The following XKR6 variants were observed in gnomAD, a reference collection of about 807,000 sequenced individuals.
XKR6 encodes XK related 6.
In XKR6, 22 loss-of-function variants were observed where a neutral mutation model predicts 56.7. That is an observed-to-expected ratio of 0.39 (90% CI 0.28 to 0.55). XKR6 has a LOEUF of 0.55. Ranked by LOEUF, XKR6 falls within the 20% of genes least tolerant of loss-of-function variation. The probability of loss-of-function intolerance (pLI) is 0.66; values close to 1 mark genes in which losing one functional copy is unlikely to be tolerated. For synonymous variants in XKR6, 524 were observed against 387.8 expected (o/e 1.35, Z -4.13); for missense variants, 852 against 889.0 (o/e 0.96, Z 0.53).
At chr8:10,998,284 T>TACAC (rs145026689) in intron 1 of XKR6, among the ~76,000 whole-genome samples, 5 of 147,606 alleles carry the variant, frequency 3.4e-5, no homozygotes, top group African/African-American at 1.2e-4. Context: ...CACACACACA[T>TACAC]ACACACACAC....
In XKR6 at chr8:11,201,145, G is replaced by A. The variant is rs1335699757; in HGVS notation, c.195C>T (p.Cys65=). 5.9e-6 allele frequency: 9 copies of A among 1,520,116 alleles called. No individual in the cohort carries two copies. The highest frequency in any genetic ancestry group is 2.0e-5 in the Admixed American group (1 of 49,838). The allele number at this position is 1,520,116 out of a possible 1,614,324, so 94.2% of individuals were successfully genotyped here. ...HICHCCNTSS[C]YWGCRSACLR... The stretch of plus-strand genomic sequence containing the variant: ...GGCAGGCGGAGCGGCAGCCCCAGTA[G>A]CACGAGGAGGTGTTGCAGCAGTGGC... The change falls in exon 1 of 3, where the codon TGC becomes TGT. Residue 65 remains cysteine, a synonymous_variant. Transcript: ENST00000416569.
intron 1 of XKR6, among the ~76,000 whole-genome samples, chr8:11,173,918 G>C (rs1802516512): frequency 6.6e-6 from 1 of 152,172 alleles, no homozygotes; most frequent in African/African-American, 2.4e-5. Context: ...AAAAAAGAGG[G>C]AAGAACATGA....
chr8:11,185,335 T>C (rs1803216100), intron 1 of XKR6, among the ~76,000 whole-genome samples: 1 of 152,188 alleles, frequency 6.6e-6, no homozygotes. Flanking sequence ...AAAAGTTTGG[T>C]GGTGTTTTTG....
chr8:10,956,855 C>A (rs1004901923), intron 1 of XKR6, among the ~76,000 whole-genome samples: 2 of 152,218 alleles, frequency 1.3e-5, no homozygotes, highest in East Asian at 3.8e-4. Flanking sequence ...CTCTCCTCTT[C>A]TGGGCTTCAA....
At position 11,071,475 on chromosome 8, in the gene XKR6, C is replaced by T. The variant is rs577303682; in HGVS notation, c.764+129101G>A. ...TTTACACCTTTAAGTCTATGAGCCC[C>T]GAGTCCATGAGCCCCGAGTCCATGA... On this transcript the variant is annotated intron_variant, in intron 1 of 2. Transcript: ENST00000416569. 6.8e-4 allele frequency among the ~76,000 whole-genome samples: 51 copies of T among 74,626 alleles called. 2 individuals are homozygous for T. The highest frequency in any genetic ancestry group is 2.8e-3 in the Admixed American group (28 of 9,926). The allele number at this position is 74,626 out of a possible 152,430, so 49.0% of individuals were successfully genotyped here.
intron 1 of XKR6, chr8:11,104,782 C>CT (rs1798614792): frequency 6.6e-6 from 1 of 152,168 alleles, no homozygotes; most frequent in South Asian, 2.1e-4. Flanking sequence ...GCTTCTTGGC[C>CT]TTTTGGCTAA....
intron 1 of XKR6, among the ~76,000 whole-genome samples, chr8:11,199,106 A>G (rs1052870934): frequency 1.3e-5 from 2 of 152,204 alleles, no homozygotes; most frequent in East Asian, 1.9e-4. Context: ...CTCACTTCTT[A>G]TAAACTTATC....
intron 1 of XKR6, among the ~76,000 whole-genome samples, chr8:11,048,864 G>A (rs919246005): frequency 3.9e-5 from 6 of 152,140 alleles, no homozygotes; most frequent in East Asian, 3.9e-4. Flanking sequence ...CCTTACCCCT[G>A]CCCCATGGCA....
At chr8:11,179,838 CT>C (rs869033027) in intron 1 of XKR6, among the ~76,000 whole-genome samples, 3 of 152,128 alleles carry the variant, frequency 2.0e-5, no homozygotes, top group African/African-American at 7.2e-5. Context: ...ATAAACAGGA[CT>C]TTTTAAAAAG....
chr8:10,996,801 C>G (rs1179442278), intron 1 of XKR6, among the ~76,000 whole-genome samples: 1 of 151,984 alleles, frequency 6.6e-6, no homozygotes, highest in Non-Finnish European at 1.5e-5. Flanking sequence ...TCACTGGAGG[C>G]TAAGAGTTTG....
intron 1 of XKR6, among the ~76,000 whole-genome samples, chr8:10,994,649 A>G (rs1415268695): frequency 3.3e-5 from 5 of 152,188 alleles, no homozygotes; most frequent in African/African-American, 1.2e-4. Context: ...ACTAATGTGC[A>G]TTGAGTGTGT....
At position 11,114,924 on chromosome 8, in the gene XKR6, G is replaced by A. The variant is rs569109558; in HGVS notation, c.764+85652C>T. On this transcript the variant is annotated intron_variant, in intron 1 of 2. Coordinates refer to ENST00000416569, the MANE Select transcript of XKR6 (RefSeq NM_173683.4). ...AACCTTTTTCTCTAACCAAAATAAG[G>A]CACTCACTCATTCAACAAATACCGA... 5.3e-5 allele frequency among the ~76,000 whole-genome samples: 8 copies of A among 152,142 alleles called. No homozygotes were observed. In the East Asian group the frequency reaches 9.7e-4, roughly 18 times the overall value.
chr8:10,984,722 C>CTATATATATA (rs1353804781), intron 1 of XKR6, among the ~76,000 whole-genome samples: 2 of 79,204 alleles, frequency 2.5e-5, no homozygotes, highest in Non-Finnish European at 5.5e-5. Flanking sequence ...CTCTCTCTCT[C>CTATATATATA]TCTCTCTCTC....
At chr8:11,177,788 C>G (rs1456753155) in intron 1 of XKR6, among the ~76,000 whole-genome samples, 1 of 152,232 alleles carries the variant, frequency 6.6e-6, no homozygotes. Flanking sequence ...CAGTGCCCTG[C>G]TCACGCATTG....
chr8:11,201,383 C>CGGGGGGGGGGGGGGGGGGAGGGAGGGG lies in XKR6; in HGVS notation c.-45_-44insCCCCTCCCTCCCCCCCCCCCCCCCCCC. 6.4e-6 allele frequency: 1 copy of CGGGGGGGGGGGGGGGGGGAGGGAGGGG among 155,876 alleles called. No homozygotes were observed. Among genetic ancestry groups the CGGGGGGGGGGGGGGGGGGAGGGAGGGG allele is most frequent in the Non-Finnish European group, 1.1e-5 (1 of 88,066 alleles). The allele number at this position is 155,876 out of a possible 1,614,324, so 9.7% of individuals were successfully genotyped here. A position where few individuals can be genotyped will look rare whatever the true frequency, so the allele number is the denominator to read the frequency against. Reference sequence around the variant, plus strand: ...TCCGGAGGTTGGGGGGGAGGGACGGCGGGGGGGGGGGGAAGAAGGCAGGGA... The same window carrying CGGGGGGGGGGGGGGGGGGAGGGAGGGG: ...TCCGGAGGTTGGGGGGGAGGGACGGCGGGGGGGGGGGGGGGGGGAGGGAGGGGGGGGGGGGGGGGAAGAAGGCAGGGA... On this transcript the variant is annotated 5_prime_UTR_variant, in exon 1 of 3. Transcript: ENST00000416569.
At chr8:11,147,624 C>T (rs1269186720) in intron 1 of XKR6, among the ~76,000 whole-genome samples, 1 of 149,098 alleles carries the variant, frequency 6.7e-6, no homozygotes, top group Admixed American at 6.7e-5. Flanking sequence ...CCACTGCACT[C>T]CAGCCTTGTG....
Position 10,915,070 on chromosome 8 carries a change from G to C in XKR6, c.961+9564C>G, listed in dbSNP as rs79568732. 1.8e-4 allele frequency among the ~76,000 whole-genome samples: 27 copies of C among 152,314 alleles called. No homozygotes were observed. In the East Asian group the frequency reaches 5.2e-3, roughly 29 times the overall value. On this transcript the variant is annotated intron_variant, in intron 2 of 2. Transcript: ENST00000416569. ...TGCATAATAGCTATTCGCTGCACAT[G>C]GCTCTGCCTCCCTTCCCTTCTCTCT...
At chr8:11,135,283 C>A (rs1363067238) in intron 1 of XKR6, among the ~76,000 whole-genome samples, 1 of 152,174 alleles carries the variant, frequency 6.6e-6, no homozygotes, top group African/African-American at 2.4e-5. Flanking sequence ...CCAGTCTCAG[C>A]CTCCCAAAGT....
intron 1 of XKR6, among the ~76,000 whole-genome samples, chr8:11,090,212 G>A (rs141894550): frequency 1.2e-4 from 18 of 152,206 alleles, no homozygotes; most frequent in East Asian, 7.7e-4. Flanking sequence ...GGCCTCTCAC[G>A]TAGCTGAGAC....
Sources: allele counts gnomAD v4.1 joint callset (sites outside exome capture counted in the v4.1 genomes callset), GRCh38; gene constraint gnomAD v4.1.1; transcripts MANE v1.5; gene names NCBI Gene and HGNC (gene_info 2026-07-23, HGNC 2026-07-21).